The following PARM1 variants were observed in gnomAD, a reference collection of about 807,000 sequenced individuals.
PARM1 encodes WSC4, cell wall integrity and stress response component 4 homolog.
In PARM1, 14 loss-of-function variants were observed where a neutral mutation model predicts 24.6. The observed-to-expected ratio is 0.57, with a 90% CI of 0.38 to 0.89. PARM1 has a LOEUF of 0.89. Ranked by LOEUF, PARM1 falls within the 40% of genes least tolerant of loss-of-function variation. PARM1 has a pLI of 0.00. For missense variants in PARM1, 362 were observed against 380.4 expected (o/e 0.95, Z 0.40); for synonymous variants, 179 against 156.6 (o/e 1.14, Z -1.07).
In PARM1 at chr4:75,046,411, C is replaced by T. The variant is rs1723604205; in HGVS notation, c.*164C>T. The T allele has an allele frequency of 3.7e-6, 2 of 541,068 alleles. No homozygotes were observed. Among genetic ancestry groups the T allele is most frequent in the South Asian group, 2.0e-5 (1 of 48,834 alleles). 33.5% of individuals were successfully genotyped at this position (541,068 alleles called of 1,614,324 possible). On this transcript the variant is annotated 3_prime_UTR_variant, in exon 4 of 4. Transcript: ENST00000307428. ...CCCTCTCCTCTGGCTGCTACAACTT[C>T]CCCTTTCTGGTACAAGAAGAACCAT... is the stretch of plus-strand genomic sequence containing the variant.
At chr4:74,984,432 T>C (rs545393638) in intron 1 of PARM1, among the ~76,000 whole-genome samples, 1 of 152,294 alleles carries the variant, frequency 6.6e-6, no homozygotes, top group African/African-American at 2.4e-5. Flanking sequence ...GAGTTCAATA[T>C]CTACACACAT....
intron 1 of PARM1, among the ~76,000 whole-genome samples, chr4:74,980,992 C>T (rs999487509): frequency 6.6e-5 from 10 of 152,028 alleles, no homozygotes; most frequent in African/African-American, 2.4e-4. Context: ...AATGTAAAAC[C>T]CCAAACTATA....
At chr4:74,963,563 A>G (rs1342453667) in intron 1 of PARM1, among the ~76,000 whole-genome samples, 1 of 152,254 alleles carries the variant, frequency 6.6e-6, no homozygotes, top group Non-Finnish European at 1.5e-5. Flanking sequence ...AAAAGGTCGC[A>G]TATTATAGGA....
At chr4:75,023,538 A>G (rs1238925552) in intron 2 of PARM1, among the ~76,000 whole-genome samples, 1 of 152,222 alleles carries the variant, frequency 6.6e-6, no homozygotes, top group Non-Finnish European at 1.5e-5. Flanking sequence ...TGTTTGTAAA[A>G]ACACTTTAAG....
intron 1 of PARM1, among the ~76,000 whole-genome samples, chr4:74,960,858 A>T (rs1313811995): frequency 6.6e-6 from 1 of 151,816 alleles, no homozygotes; most frequent in East Asian, 1.9e-4. Context: ...AATACAAAAA[A>T]AAAAAAATTA....
At chr4:75,022,088 C>T (rs866981186) in intron 2 of PARM1, among the ~76,000 whole-genome samples, 2 of 152,198 alleles carry the variant, frequency 1.3e-5, no homozygotes, top group Non-Finnish European at 2.9e-5. Context: ...AGTGTATAAG[C>T]ATTCCCTTTT....
At chr4:74,959,335 GT>G (rs1721714611) in intron 1 of PARM1, among the ~76,000 whole-genome samples, 1 of 152,142 alleles carries the variant, frequency 6.6e-6, no homozygotes, top group Admixed American at 6.5e-5. Flanking sequence ...GACAGACCTG[GT>G]GCTAGAACCT....
Position 75,012,675 on chromosome 4 carries a change from A to G in PARM1, c.294A>G (p.Glu98=). 8 of 1,614,022 alleles carry G rather than the reference A, an allele frequency of 5.0e-6. No homozygotes were observed. The highest frequency in any genetic ancestry group is 6.8e-6 in the Non-Finnish European group (8 of 1,179,888). The change falls in exon 2 of 4, where the codon GAA becomes GAG. Residue 98 remains glutamate (E), a synonymous_variant. Coordinates refer to ENST00000307428, the MANE Select transcript of PARM1 (RefSeq NM_015393.4). Reference sequence around the variant, plus strand: ...TCACCAGCCCAGGTTCGAATTGGGAAGGCACAAACACAGACCCCTCACCTT... The same window carrying G: ...TCACCAGCCCAGGTTCGAATTGGGAGGGCACAAACACAGACCCCTCACCTT... ...EEITSPGSNW[E]GTNTDPSPSG...
intron 1 of PARM1, among the ~76,000 whole-genome samples, chr4:74,984,416 G>A (rs1338095864): frequency 5.3e-5 from 8 of 152,152 alleles, no homozygotes; most frequent in East Asian, 1.9e-4. Flanking sequence ...TGCCCTGAAG[G>A]TGGAGGAGTT....
chr4:74,958,451 G>A (rs1315780769), intron 1 of PARM1, among the ~76,000 whole-genome samples: 2 of 152,142 alleles, frequency 1.3e-5, no homozygotes, highest in Non-Finnish European at 1.5e-5. Flanking sequence ...TGATGAAGAA[G>A]TAATATTTGA....
intron 1 of PARM1, among the ~76,000 whole-genome samples, chr4:74,968,481 AATG>A (rs1283860453): frequency 6.6e-6 from 1 of 152,198 alleles, no homozygotes; most frequent in Non-Finnish European, 1.5e-5. Flanking sequence ...TTCAACTTCA[AATG>A]AGATTTAAAA....
chr4:74,967,076 A>C (rs999549254), intron 1 of PARM1: 1 of 152,240 alleles, frequency 6.6e-6, no homozygotes, highest in East Asian at 1.9e-4. Context: ...CATGTAATGC[A>C]AACATGAATT....
At chr4:74,991,303 A>G (rs1361108649) in intron 1 of PARM1, among the ~76,000 whole-genome samples, 2 of 152,174 alleles carry the variant, frequency 1.3e-5, no homozygotes, top group South Asian at 2.1e-4. Context: ...TGGTTTTCCA[A>G]TATTGGTCAA....
At chr4:74,976,936 C>A (rs952110289) in intron 1 of PARM1, among the ~76,000 whole-genome samples, 1 of 152,134 alleles carries the variant, frequency 6.6e-6, no homozygotes, top group African/African-American at 2.4e-5. Context: ...GAAGACCCTA[C>A]AAAAACCCTA....
intron 1 of PARM1, among the ~76,000 whole-genome samples, chr4:74,978,703 A>G (rs769989964): frequency 5.3e-5 from 8 of 152,230 alleles, no homozygotes; most frequent in Admixed American, 2.0e-4. Flanking sequence ...AATTGATCAC[A>G]TCATTGATAG....
At chr4:74,996,178 A>G (rs1339915741) in intron 1 of PARM1, among the ~76,000 whole-genome samples, 1 of 151,858 alleles carries the variant, frequency 6.6e-6, no homozygotes, top group Non-Finnish European at 1.5e-5. Flanking sequence ...CTGCCCCCCA[A>G]TGTCCTTGTA....
intron 2 of PARM1, among the ~76,000 whole-genome samples, chr4:75,015,223 G>T (rs1019369202): frequency 1.3e-5 from 2 of 152,142 alleles, no homozygotes; most frequent in Non-Finnish European, 2.9e-5. Flanking sequence ...TATGGGCTGG[G>T]TTATTCAAGA....
Position 75,046,255 on chromosome 4 carries a change from A to G in PARM1, c.*8A>G. 6.4e-7 allele frequency: 1 copy of G among 1,566,222 alleles called. No homozygotes were observed. Among genetic ancestry groups the G allele is most frequent in the East Asian group, 2.2e-5 (1 of 44,612 alleles). ...CTGTACGATGACTCCTAACAATGGA[A>G]TATGGCCTGGGATGAGGATTAACTG... On this transcript the variant is annotated 3_prime_UTR_variant, in exon 4 of 4. Coordinates refer to ENST00000307428, the MANE Select transcript of PARM1 (RefSeq NM_015393.4).
At position 74,995,895 on chromosome 4, in the gene PARM1, C is replaced by T. The variant is rs1313807500; in HGVS notation, c.44-16530C>T. On this transcript the variant is annotated intron_variant, in intron 1 of 3. Transcript: ENST00000307428. ...ACTGGGATAAAGTTCAGAGCTCACA[C>T]GTGTCTTACAAGGCCCTACATGATT... is the stretch of plus-strand genomic sequence containing the variant. Among the ~76,000 whole-genome samples the T allele has an allele frequency of 2.0e-5, 3 of 152,132 alleles. No individual in the cohort carries two copies. In the East Asian group the frequency reaches 5.8e-4, roughly 29 times the overall value.
Sources: allele counts gnomAD v4.1 joint callset (sites outside exome capture counted in the v4.1 genomes callset), GRCh38; gene constraint gnomAD v4.1.1; transcripts MANE v1.5; gene names NCBI Gene and HGNC (gene_info 2026-07-23, HGNC 2026-07-21).